The following PDE11A variants were observed in gnomAD, a reference collection of about 807,000 sequenced individuals.
PDE11A encodes the protein phosphodiesterase 11A.
Under a neutral mutation model 100.5 loss-of-function variants are expected in PDE11A, and 100 were observed. That is an observed-to-expected ratio of 1.00 (90% confidence interval 0.85 to 1.18). The LOEUF (loss-of-function observed/expected upper bound fraction) is 1.18, where lower values mean the gene tolerates loss of function less well. PDE11A is among the 50% of genes most tolerant of loss of function. The pLI, the probability that PDE11A is intolerant of heterozygous loss-of-function variation, is 0.00. For synonymous variants in PDE11A, 381 were observed against 420.8 expected (o/e 0.91, Z 1.16); for missense variants, 1,141 against 1,152.6 (o/e 0.99, Z 0.15).
chr2:177,818,332 A>T (rs6737549), intron 7 of PDE11A, among the ~76,000 whole-genome samples: 60,436 of 149,574 alleles, frequency 0.4, 14,032 homozygotes, highest in African/African-American at 0.64. Context: ...TATATATCAT[A>T]CTCTGAAGCA....
Position 177,997,611 on chromosome 2 carries a change from A to G in PDE11A, c.1071+16691T>C. The G allele has an allele frequency of 2.7e-6, 3 of 1,128,356 alleles. No individual in the cohort carries two copies. The South Asian group carries it at 3.7e-5, about 14-fold the overall frequency. 69.9% of individuals were successfully genotyped at this position (1,128,356 alleles called of 1,614,324 possible). ...GGAGAGCTAAGTGAAGTTGTCTGAT[A>G]TAAACTTGCAGGCCTCGTGCAAAGT... On this transcript the variant is annotated intron_variant, in intron 2 of 19. Coordinates refer to ENST00000286063, the MANE Select transcript of PDE11A (RefSeq NM_016953.4).
chr2:177,795,949 A>G (rs1425943656), intron 9 of PDE11A, among the ~76,000 whole-genome samples: 5 of 103,632 alleles, frequency 4.8e-5, no homozygotes, highest in Admixed American at 1.7e-4. Context: ...ATATATATAT[A>G]TATATATATA....
intron 12 of PDE11A, among the ~76,000 whole-genome samples, chr2:177,713,726 A>G (rs2081390569): frequency 1.3e-5 from 2 of 151,816 alleles, no homozygotes; most frequent in Admixed American, 1.3e-4. Context: ...TCCATCTCAA[A>G]CAAACAAACA....
intron 19 of PDE11A, among the ~76,000 whole-genome samples, chr2:177,642,677 T>C (rs1378465633): frequency 6.6e-6 from 1 of 152,046 alleles, no homozygotes; most frequent in Non-Finnish European, 1.5e-5. Context: ...TGCTGGGAGG[T>C]GCATTCTCTT....
chr2:177,764,913 G>A (rs2082218234), intron 10 of PDE11A, among the ~76,000 whole-genome samples: 1 of 152,196 alleles, frequency 6.6e-6, no homozygotes, highest in African/African-American at 2.4e-5. Context: ...TGATCTTTTT[G>A]TGTATAGGTG....
At chr2:178,092,459 A>C (rs917999851) in intron 2 of PDE11A, 1 of 152,236 alleles carries the variant, frequency 6.6e-6, no homozygotes, top group Non-Finnish European at 1.5e-5. Flanking sequence ...CTAAACGTGC[A>C]ATTTTTGAAA....
At chr2:177,816,506 A>T (rs1277610445) in intron 9 of PDE11A, among the ~76,000 whole-genome samples, 1 of 152,236 alleles carries the variant, frequency 6.6e-6, no homozygotes, top group East Asian at 1.9e-4. Flanking sequence ...TTATCTATAC[A>T]TATTCAAATC....
intron 19 of PDE11A, among the ~76,000 whole-genome samples, chr2:177,663,500 C>CAT (rs3056854): frequency 0.77 from 117,386 of 151,880 alleles, 46,009 homozygotes; most frequent in East Asian, 0.89. Flanking sequence ...CAAGTTTAAA[C>CAT]GTTTCTTGGG....
At chr2:177,665,196 C>G (rs2080550859) in intron 18 of PDE11A, among the ~76,000 whole-genome samples, 1 of 151,458 alleles carries the variant, frequency 6.6e-6, no homozygotes, top group Admixed American at 6.6e-5. Flanking sequence ...TTAGAGCTGG[C>G]TGCGGTGGCT....
rs183467633 is a variant in PDE11A at position 177,778,730 on chromosome 2, A to C, written c.1738-9357T>G. On this transcript the variant is annotated intron_variant, in intron 9 of 19. Transcript: ENST00000286063. Reference sequence around the variant, plus strand: ...CTAACTATATGAAGAACCATACTCCAGGATTTCTTAACAAGATGATGACAG... The same window carrying C: ...CTAACTATATGAAGAACCATACTCCCGGATTTCTTAACAAGATGATGACAG... 4.9e-4 allele frequency among the ~76,000 whole-genome samples: 74 copies of C among 152,328 alleles called. 1 individual carries two copies. In the East Asian group the frequency reaches 0.01, roughly 21 times the overall value.
chr2:177,638,100 C>T lies in PDE11A; in HGVS notation c.2647-8538G>A, dbSNP rs549544838. On this transcript the variant is annotated intron_variant, in intron 19 of 19. Coordinates refer to ENST00000286063, the MANE Select transcript of PDE11A (RefSeq NM_016953.4). ...CTGCAAGCTCCGCCTCCCAGGTTCA[C>T]GCCATTCTCCTGCCTCAGCCTCCTG... Among the ~76,000 whole-genome samples, 493 of 149,956 alleles carry T rather than the reference C, an allele frequency of 3.3e-3. 5 individuals are homozygous for T. Among genetic ancestry groups the T allele is most frequent in the Non-Finnish European group, 4.9e-3 (329 of 67,616 alleles).
chr2:177,811,891 AGAACTAG>A (rs2082954087), intron 9 of PDE11A, among the ~76,000 whole-genome samples: 1 of 152,200 alleles, frequency 6.6e-6, no homozygotes, highest in South Asian at 2.1e-4. Flanking sequence ...CATGTATCAA[AGAACTAG>A]GAAACAGGCA....
chr2:177,872,665 T>G (rs897528528), intron 5 of PDE11A, among the ~76,000 whole-genome samples: 1 of 152,214 alleles, frequency 6.6e-6, no homozygotes, highest in Non-Finnish European at 1.5e-5. Context: ...TAACTCTGAC[T>G]GATGTTCAGA....
intron 10 of PDE11A, among the ~76,000 whole-genome samples, chr2:177,733,641 C>G (rs755745330): frequency 6.6e-6 from 1 of 152,184 alleles, no homozygotes; most frequent in Non-Finnish European, 1.5e-5. Flanking sequence ...GTTGCTAATT[C>G]CAGCCCACTC....
chr2:177,883,048 T>A (rs1226944239), intron 4 of PDE11A, among the ~76,000 whole-genome samples: 1 of 152,024 alleles, frequency 6.6e-6, no homozygotes, highest in Non-Finnish European at 1.5e-5. Context: ...GGTGGGTAGA[T>A]AACTGAGATC....
chr2:177,803,877 C>T (rs2082828844), intron 9 of PDE11A, among the ~76,000 whole-genome samples: 1 of 151,872 alleles, frequency 6.6e-6, no homozygotes, highest in African/African-American at 2.4e-5. Flanking sequence ...AAAGCATTCC[C>T]TCTAAGAACT....
intron 15 of PDE11A, among the ~76,000 whole-genome samples, chr2:177,684,924 C>A (rs1156769136): frequency 6.6e-6 from 1 of 152,170 alleles, no homozygotes; most frequent in East Asian, 1.9e-4. Flanking sequence ...CAGAGGAAGG[C>A]ACTTTGCTTG....
intron 13 of PDE11A, among the ~76,000 whole-genome samples, chr2:177,710,763 CA>C (rs1398819489): frequency 6.6e-6 from 1 of 152,072 alleles, no homozygotes; most frequent in Non-Finnish European, 1.5e-5. Context: ...TACAAGAGTC[CA>C]AGACTCCTGA....
chr2:177,714,116 C>T (rs1391770529), intron 12 of PDE11A, among the ~76,000 whole-genome samples: 1 of 150,606 alleles, frequency 6.6e-6, no homozygotes, highest in Non-Finnish European at 1.5e-5. Flanking sequence ...GCCTCAGCCT[C>T]CTGAGTAGCT....
Sources: allele counts gnomAD v4.1 joint callset (sites outside exome capture counted in the v4.1 genomes callset), GRCh38; gene constraint gnomAD v4.1.1; transcripts MANE v1.5; gene names NCBI Gene and HGNC (gene_info 2026-07-23, HGNC 2026-07-21).